The following MYO7A variants were observed in gnomAD, a reference collection of about 807,000 sequenced individuals.
MYO7A encodes myosin VIIA.
In MYO7A, 210 loss-of-function variants were observed where a neutral mutation model predicts 263.8. That is an observed-to-expected ratio of 0.80 (90% CI 0.71 to 0.89). MYO7A has a LOEUF of 0.89. MYO7A is among the 40% of genes least tolerant of loss of function. The pLI is 0.00. For synonymous variants in MYO7A, 1,239 were observed against 1,197.3 expected (o/e 1.03, Z -0.72); for missense variants, 2,820 against 2,968.3 (o/e 0.95, Z 1.16).
chr11:77,200,751 G>C (rs1214381116), intron 35 of MYO7A, among the ~76,000 whole-genome samples: 1 of 152,156 alleles, frequency 6.6e-6, no homozygotes, highest in African/African-American at 2.4e-5. Flanking sequence ...CCCTTCTTCT[G>C]GCTCTTCAAT....
Position 77,190,734 on chromosome 11 carries a change from C to A in MYO7A, c.3788C>A (p.Thr1263Lys), listed in dbSNP as rs969982232. The A allele has an allele frequency of 4.4e-6, 7 of 1,599,620 alleles. No individual in the cohort carries two copies. Among genetic ancestry groups the A allele is most frequent in the Non-Finnish European group, 6.0e-6 (7 of 1,173,634 alleles). Residue 1263 changes from threonine (T) to lysine (K), a missense_variant, in exon 30 of 49, where the codon ACA becomes AAA. Transcript: ENST00000409709. The part of the protein sequence containing the change: ...KSKKPIMLPV[T>K]FMDGTTKTLL... ...AAGAAGCCAATCATGTTGCCCGTGA[C>A]ATTCATGGATGGGACCACCAAGACC...
At chr11:77,147,975 C>T in intron 4 of MYO7A, 25 bp downstream of exon 4, 4 of 1,515,612 alleles carry the variant, frequency 2.6e-6, no homozygotes, top group Non-Finnish European at 3.5e-6. Flanking sequence ...GCCCGGTGCC[C>T]GTCCAGGCCC....
intron 31 of MYO7A, among the ~76,000 whole-genome samples, chr11:77,192,987 T>TGGA (rs1236488212): frequency 1.1e-5 from 1 of 94,054 alleles, no homozygotes; most frequent in Admixed American, 9.9e-5. Flanking sequence ...GTTGTGATGG[T>TGGA]GGAGGTAGTG....
At chr11:77,207,111 G>C (rs976372990) in intron 41 of MYO7A, 178 bp from the exon 42 acceptor site, 1 of 538,076 alleles carries the variant, frequency 1.9e-6, no homozygotes, top group Non-Finnish European at 3.3e-6. Context: ...GGAGACCTGG[G>C]AAGACCCAGA....
chr11:77,212,521 C>T, intron 46 of MYO7A: 1 of 338,866 alleles, frequency 3.0e-6, no homozygotes, highest in Non-Finnish European at 5.8e-6. Context: ...GCCTCTCAGG[C>T]TGCGGGTGGA....
In MYO7A at chr11:77,158,426, T is replaced by G. The variant is rs111033285; in HGVS notation, c.999T>G (p.Tyr333Ter). ...AAILHLGNLQYEARTFENLDA... is the reference protein window; with the variant it reads ...AAILHLGNLQ ...TCCTGCACCTGGGCAACCTGCAGTA[T>G]GAGGGTGAGGCTGCGCCACACTCGC... Residue 333 changes from tyrosine (Y) to a stop codon, truncating the protein, a stop_gained, in exon 9 of 49, where the codon TAT (tyrosine) becomes TAG (stop). Transcript: ENST00000409709. LOFTEE classifies it high-confidence loss of function. 7 of 1,611,420 alleles carry G rather than the reference T, an allele frequency of 4.3e-6. No homozygotes were observed. The highest frequency in any genetic ancestry group is 1.7e-5 in the Admixed American group (1 of 59,970).
At chr11:77,187,356 A>G (rs1398907003) in intron 27 of MYO7A, among the ~76,000 whole-genome samples, 17 of 152,192 alleles carry the variant, frequency 1.1e-4, no homozygotes, top group African/African-American at 3.6e-4. Flanking sequence ...AGTACAGTAA[A>G]ATGAGGTGTG....
intron 26 of MYO7A, 91 bp from the exon 27 acceptor site, chr11:77,184,497 T>C: frequency 8.9e-7 from 1 of 1,122,512 alleles, no homozygotes; most frequent in Non-Finnish European, 1.3e-6. Context: ...GATTCTGTTT[T>C]CTGGGGAGCA....
intron 5 of MYO7A, 88 bp downstream of exon 5, chr11:77,156,179 C>A (rs1205892893): frequency 1.5e-5 from 22 of 1,432,320 alleles, no homozygotes; most frequent in Non-Finnish European, 4.7e-6. Context: ...AGGAATTGCC[C>A]CCGCTGTCGG....
chr11:77,142,636 A>G, intron 2 of MYO7A, 73 bp from the exon 3 acceptor site: 1 of 1,276,248 alleles, frequency 7.8e-7, no homozygotes, highest in South Asian at 1.3e-5. Flanking sequence ...TAGCAGAGGG[A>G]TATAGGGCTG....
chr11:77,137,514 G>C (rs1950950913), intron 2 of MYO7A, among the ~76,000 whole-genome samples: 1 of 152,184 alleles, frequency 6.6e-6, no homozygotes, highest in South Asian at 2.1e-4. Context: ...GCAGGGCAAG[G>C]CGAGAAGGAG....
chr11:77,157,158 C>T, intron 7 of MYO7A, 121 bp from the exon 8 acceptor site: 2 of 1,363,618 alleles, frequency 1.5e-6, no homozygotes, highest in Non-Finnish European at 2.0e-6. Context: ...ACCATGAAAC[C>T]CACCGATGGG....
chr11:77,203,235 C>G lies in MYO7A; in HGVS notation c.5326+18C>G. The stretch of plus-strand genomic sequence containing the variant: ...CTTCATTGATATCCGTGCCACTGGG[C>G]TGTGCCCAGGGGAGCCAGGGACCGG... On this transcript the variant is annotated intron_variant, in intron 38 of 48. Coordinates refer to ENST00000409709, the MANE Select transcript of MYO7A (RefSeq NM_000260.4). 6.5e-7 allele frequency: 1 copy of G among 1,549,030 alleles called. No homozygotes were observed. Among genetic ancestry groups the G allele is most frequent in the Non-Finnish European group, 8.7e-7 (1 of 1,146,480 alleles).
intron 2 of MYO7A, among the ~76,000 whole-genome samples, chr11:77,131,351 G>A (rs1261691780): frequency 6.6e-6 from 1 of 152,222 alleles, no homozygotes; most frequent in Admixed American, 6.5e-5. Flanking sequence ...GAGGCCAATG[G>A]CTCAGCCTTG....
intron 3 of MYO7A, among the ~76,000 whole-genome samples, chr11:77,146,690 C>T (rs1951590788): frequency 6.6e-6 from 1 of 151,986 alleles, no homozygotes; most frequent in Admixed American, 6.5e-5. Context: ...ATCTGCTCAG[C>T]GAGTCTCAGG....
At chr11:77,185,382 C>G (rs1955581393) in intron 27 of MYO7A, among the ~76,000 whole-genome samples, 2 of 152,202 alleles carry the variant, frequency 1.3e-5, no homozygotes, top group African/African-American at 4.8e-5. Flanking sequence ...TAAGTTGATG[C>G]AATATTCTAA....
rs1555062511 is a variant in MYO7A, at chr11:77,156,694, A to T, written c.505A>T (p.Lys169Ter). The T allele has an allele frequency of 1.2e-6, 2 of 1,613,906 alleles. No individual in the cohort carries two copies. Among genetic ancestry groups the T allele is most frequent in the Admixed American group, 1.7e-5 (1 of 60,016 alleles). ...TGGGGCCGGGAAGACGGAGAGCACAAAGCTGATCCTGCAGTTCCTGGCAGC... is the reference window on the plus strand; with the variant it reads ...TGGGGCCGGGAAGACGGAGAGCACATAGCTGATCCTGCAGTTCCTGGCAGC... ...ESGAGKTEST[K>*]LILQFLAAIS... The change falls in exon 6 of 49, where the codon AAG becomes TAG. Residue 169 changes from lysine to a stop codon, truncating the protein, a stop_gained. Transcript: ENST00000409709. LOFTEE classifies it high-confidence loss of function.
chr11:77,148,278 G>C (rs1386722414), intron 4 of MYO7A, among the ~76,000 whole-genome samples: 2 of 152,220 alleles, frequency 1.3e-5, no homozygotes, highest in African/African-American at 4.8e-5. Flanking sequence ...TTGGTGCTTT[G>C]CCCATGCACA....
intron 15 of MYO7A, among the ~76,000 whole-genome samples, chr11:77,172,142 G>A (rs1431261516): frequency 2.0e-5 from 3 of 152,214 alleles, no homozygotes; most frequent in Admixed American, 6.5e-5. Context: ...TTTCCAGAAG[G>A]CGGCACCACC....
Sources: gnomAD v4.1 joint callset for allele counts (sites outside exome capture counted in the v4.1 genomes callset) on GRCh38, gnomAD v4.1.1 for gene constraint, MANE v1.5 for transcripts, NCBI Gene and HGNC (gene_info 2026-07-23, HGNC 2026-07-21) for gene names.